Variants in FAM184B observed in about 807,000 individuals in gnomAD.
The protein encoded by FAM184B is family with sequence similarity 184 member B.
FAM184B carries 111 observed loss-of-function variants against 135.9 expected under a neutral mutation model. That is an observed-to-expected ratio of 0.82 (90% CI 0.70 to 0.96). The LOEUF (loss-of-function observed/expected upper bound fraction) is 0.96. Ranked by LOEUF, FAM184B falls within the 40% of genes least tolerant of loss-of-function variation. The pLI, the probability that FAM184B is intolerant of heterozygous loss-of-function variation, is 0.00. For missense variants in FAM184B, 1,375 were observed against 1,323.9 expected, an observed-to-expected ratio of 1.04 and a Z score of -0.60; for synonymous variants, 552 against 524.8, an observed-to-expected ratio of 1.05 and a Z score of -0.71.
intron 12 of FAM184B, among the ~76,000 whole-genome samples, chr4:17,646,021 A>G (rs1402255061): frequency 6.6e-6 from 1 of 152,138 alleles, no homozygotes; most frequent in Non-Finnish European, 1.5e-5. Context: ...AATCAAAACC[A>G]CAATGAGATA....
chr4:17,666,576 C>T lies in FAM184B; in HGVS notation c.1597-1917G>A, dbSNP rs149275784. 2.5e-3 allele frequency among the ~76,000 whole-genome samples: 377 copies of T among 149,836 alleles called. 1 individual carries two copies. Among genetic ancestry groups the T allele is most frequent in the African/African-American group, 8.1e-3 (327 of 40,588 alleles). ...TGAACTCAGGTGATCTGCCCACCTC[C>T]GCCTCCCAAAGTGCTGGGATTACAG... On this transcript the variant is annotated intron_variant, in intron 7 of 17. Coordinates refer to ENST00000265018, the MANE Select transcript of FAM184B (RefSeq NM_015688.2).
At chr4:17,649,074 T>C (rs1487509468) in intron 11 of FAM184B, among the ~76,000 whole-genome samples, 2 of 152,224 alleles carry the variant, frequency 1.3e-5, no homozygotes, top group Non-Finnish European at 2.9e-5. Flanking sequence ...CTTTGAAACA[T>C]TGTTCTGATC....
chr4:17,636,636 A>G lies in FAM184B; in HGVS notation c.2676T>C (p.Asp892=). The G allele has an allele frequency of 6.5e-7, 1 of 1,549,148 alleles. No individual in the cohort carries two copies. Among genetic ancestry groups the G allele is most frequent in the Non-Finnish European group, 8.7e-7 (1 of 1,146,296 alleles). Reference sequence around the variant, plus strand: ...CTCCCTTCCCTGGCTTCTCTCCGGAATCTTTCAGTCTGTTCCAAGCAGGCA... The same window carrying G: ...CTCCCTTCCCTGGCTTCTCTCCGGAGTCTTTCAGTCTGTTCCAAGCAGGCA... The part of the protein sequence containing the change: ...RLAALEAELK[D]SGEKPGKGAS... The change falls in exon 15 of 18, where the codon GAT becomes GAC. Residue 892 remains aspartate, a synonymous_variant. Coordinates refer to ENST00000265018, the MANE Select transcript of FAM184B (RefSeq NM_015688.2).
At chr4:17,673,086 A>G (rs907368294) in intron 7 of FAM184B, among the ~76,000 whole-genome samples, 6 of 152,210 alleles carry the variant, frequency 3.9e-5, no homozygotes, top group African/African-American at 1.4e-4. Context: ...GCAAGAAAAA[A>G]ACAAACAATC....
chr4:17,707,289 C>A (rs897081810), intron 3 of FAM184B, among the ~76,000 whole-genome samples: 1 of 152,030 alleles, frequency 6.6e-6, no homozygotes, highest in Non-Finnish European at 1.5e-5. Flanking sequence ...GACTCAATAG[C>A]ATAATTGTGT....
intron 1 of FAM184B, among the ~76,000 whole-genome samples, chr4:17,723,478 G>T (rs1199651825): frequency 1.3e-5 from 2 of 152,162 alleles, no homozygotes; most frequent in African/African-American, 4.8e-5. Flanking sequence ...AGGTAGTTTT[G>T]CTAATGATTC....
intron 1 of FAM184B, among the ~76,000 whole-genome samples, chr4:17,721,175 A>G (rs1717517146): frequency 6.6e-6 from 1 of 151,802 alleles, no homozygotes. Flanking sequence ...TGAGGTCAGG[A>G]GATCGAGACC....
intron 14 of FAM184B, among the ~76,000 whole-genome samples, chr4:17,638,042 ACCT>A (rs1265929967): frequency 7.1e-6 from 1 of 140,164 alleles, no homozygotes; most frequent in African/African-American, 2.7e-5. Flanking sequence ...CTTAAACATC[ACCT>A]CCTCACAGAG....
At chr4:17,670,793 A>G (rs567892291) in intron 7 of FAM184B, among the ~76,000 whole-genome samples, 11 of 152,326 alleles carry the variant, frequency 7.2e-5, no homozygotes, top group African/African-American at 2.6e-4. Context: ...GGAGGGTGGC[A>G]CAAAATCTAG....
At chr4:17,707,612 T>C (rs1266575041) in intron 3 of FAM184B, 37 bp downstream of exon 3, 6 of 1,549,564 alleles carry the variant, frequency 3.9e-6, no homozygotes, top group African/African-American at 1.4e-5. Flanking sequence ...GCAGCTAACC[T>C]TGGGTCTTTT....
At chr4:17,643,309 G>A (rs1039433179) in intron 12 of FAM184B, among the ~76,000 whole-genome samples, 11 of 152,076 alleles carry the variant, frequency 7.2e-5, no homozygotes, top group Non-Finnish European at 5.9e-5. Flanking sequence ...TTTGACTCCT[G>A]CTGCCTGGGC....
intron 15 of FAM184B, among the ~76,000 whole-genome samples, chr4:17,635,855 A>G (rs775205627): frequency 1.3e-5 from 2 of 152,162 alleles, no homozygotes; most frequent in African/African-American, 2.4e-5. Flanking sequence ...GTTCTTTCCA[A>G]GGGGCTTAGG....
rs369346723 is a variant in FAM184B, at chr4:17,718,241, C to T, written c.142-8597G>A. Among the ~76,000 whole-genome samples the T allele has an allele frequency of 4.6e-5, 7 of 152,238 alleles. No homozygotes were observed. In the South Asian group the frequency reaches 1.0e-3, roughly 23 times the overall value. On this transcript the variant is annotated intron_variant, in intron 1 of 17. Coordinates refer to ENST00000265018, the MANE Select transcript of FAM184B (RefSeq NM_015688.2). Reference sequence around the variant, plus strand: ...CATTAGTTATGATTTTTACTATTATCGGTATTACTGCCAGAAGTCATTGAG... The same window carrying T: ...CATTAGTTATGATTTTTACTATTATTGGTATTACTGCCAGAAGTCATTGAG...
chr4:17,654,787 G>A (rs1188043482), intron 10 of FAM184B, among the ~76,000 whole-genome samples: 1 of 152,186 alleles, frequency 6.6e-6, no homozygotes, highest in Non-Finnish European at 1.5e-5. Flanking sequence ...CTGTCACCGG[G>A]GATAGCAATA....
chr4:17,654,375 G>A (rs1715733200), intron 10 of FAM184B, among the ~76,000 whole-genome samples: 1 of 151,888 alleles, frequency 6.6e-6, no homozygotes, highest in African/African-American at 2.4e-5. Context: ...ATAGAGGGAG[G>A]GTCTCACTAT....
At position 17,639,142 on chromosome 4, in the gene FAM184B, G is replaced by A. The variant is rs1480527935; in HGVS notation, c.2666+108C>T. The stretch of plus-strand genomic sequence containing the variant: ...GCCACCGTGCCTGGCCAGAACCCAG[G>A]ACTTTCAATTTGAAAACCAGGAAAT... On this transcript the variant is annotated intron_variant, in intron 14 of 17. Transcript: ENST00000265018. 5.9e-6 allele frequency: 7 copies of A among 1,190,510 alleles called. No individual in the cohort carries two copies. The South Asian group carries it at 8.6e-5, about 15-fold the overall frequency. 73.7% of individuals were successfully genotyped at this position (1,190,510 alleles called of 1,614,324 possible).
chr4:17,675,411 G>A (rs1716290529), intron 7 of FAM184B, among the ~76,000 whole-genome samples: 1 of 152,180 alleles, frequency 6.6e-6, no homozygotes, highest in African/African-American at 2.4e-5. Flanking sequence ...TATCATACAG[G>A]CTTTATTGCT....
intron 5 of FAM184B, among the ~76,000 whole-genome samples, chr4:17,702,149 A>G (rs982870974): frequency 6.6e-6 from 1 of 152,154 alleles, no homozygotes; most frequent in Non-Finnish European, 1.5e-5. Flanking sequence ...CTGGCTGGGT[A>G]GCTGCCAAGC....
chr4:17,733,352 G>C (rs1717831876), intron 1 of FAM184B, among the ~76,000 whole-genome samples: 1 of 152,160 alleles, frequency 6.6e-6, no homozygotes, highest in African/African-American at 2.4e-5. Context: ...TCAGGCAGGA[G>C]ACAGAAAGGG....
Sources: gnomAD v4.1 joint callset for allele counts (sites outside exome capture counted in the v4.1 genomes callset) on GRCh38, gnomAD v4.1.1 for gene constraint, MANE v1.5 for transcripts, NCBI Gene and HGNC (gene_info 2026-07-23, HGNC 2026-07-21) for gene names.